Variants in XXYLT1 observed in about 807,000 individuals in gnomAD.
The protein encoded by XXYLT1 is UDP-xylose:alpha-xyloside alpha-1,3-xylosyltransferase.
In XXYLT1, 20 loss-of-function variants were observed where a neutral mutation model predicts 28.9. That is an observed-to-expected ratio of 0.69 (90% confidence interval 0.49 to 1.00). The LOEUF is 1.00. Among genes scored for constraint, XXYLT1 ranks in the 50% least tolerant of loss-of-function variants. The pLI, the probability that XXYLT1 is intolerant of heterozygous loss-of-function variation, is 0.00. For missense variants in XXYLT1, 542 were observed against 560.1 expected, an observed-to-expected ratio of 0.97 and a Z score of 0.33; for synonymous variants, 257 against 253.8, an observed-to-expected ratio of 1.01 and a Z score of -0.12.
chr3:195,122,725 C>T (rs766363543), intron 3 of XXYLT1, among the ~76,000 whole-genome samples: 1 of 152,198 alleles, frequency 6.6e-6, no homozygotes, highest in Non-Finnish European at 1.5e-5. Context: ...ACATTATTGA[C>T]GGCACGTAAC....
chr3:195,268,419 A>C (rs1192644046), intron 1 of XXYLT1, among the ~76,000 whole-genome samples: 2 of 149,124 alleles, frequency 1.3e-5, no homozygotes, highest in Non-Finnish European at 3.0e-5. Context: ...CGACAAGAGC[A>C]AAACTCTGTC....
intron 1 of XXYLT1, among the ~76,000 whole-genome samples, chr3:195,259,036 G>C (rs922219345): frequency 2.0e-5 from 3 of 152,182 alleles, no homozygotes; most frequent in African/African-American, 4.8e-5. Context: ...ACCATTATTA[G>C]CAGCCACCGT....
chr3:195,107,212 G>A, intron 3 of XXYLT1, among the ~76,000 whole-genome samples: 1 of 151,926 alleles, frequency 6.6e-6, no homozygotes, highest in East Asian at 2.0e-4. Context: ...GGTGGCTCAC[G>A]CCTGGAATCC....
At chr3:195,228,359 C>T (rs1403803906) in intron 1 of XXYLT1, among the ~76,000 whole-genome samples, 2 of 152,140 alleles carry the variant, frequency 1.3e-5, no homozygotes, top group Non-Finnish European at 2.9e-5. Context: ...CCTTTCCCTC[C>T]ACCTGCCCTT....
chr3:195,145,579 T>C (rs61414001), intron 3 of XXYLT1, among the ~76,000 whole-genome samples: 62 of 100,724 alleles, frequency 6.2e-4, no homozygotes, highest in African/African-American at 1.2e-3. Flanking sequence ...GTGACCGGCA[T>C]TGATGGGGCC....
chr3:195,254,942 C>T (rs2108845769), intron 1 of XXYLT1, among the ~76,000 whole-genome samples: 1 of 152,306 alleles, frequency 6.6e-6, no homozygotes, highest in East Asian at 1.9e-4. Context: ...GAGCCAGGAT[C>T]TAAAGCGGCC....
chr3:195,116,448 T>C (rs1718047891), intron 3 of XXYLT1, among the ~76,000 whole-genome samples: 1 of 152,180 alleles, frequency 6.6e-6, no homozygotes, highest in Non-Finnish European at 1.5e-5. Context: ...CTTTGAGTAG[T>C]GAGACTTGAA....
Position 195,178,650 on chromosome 3 carries a change from C to T in XXYLT1, c.653-22069G>A, listed in dbSNP as rs1400315013. On this transcript the variant is annotated intron_variant, in intron 2 of 3. Coordinates refer to ENST00000310380, the MANE Select transcript of XXYLT1 (RefSeq NM_152531.5). ...CTGCACTCCGGTTTGTGTCTGCCCT[C>T]TCCCAGTGCCCAGCTCTGAAGCACG... 3.9e-5 allele frequency among the ~76,000 whole-genome samples: 6 copies of T among 152,350 alleles called. No individual in the cohort carries two copies. The East Asian group carries it at 1.2e-3, about 29-fold the overall frequency.
chr3:195,083,703 T>C (rs1310128663), intron 3 of XXYLT1, among the ~76,000 whole-genome samples: 1 of 152,196 alleles, frequency 6.6e-6, no homozygotes, highest in Admixed American at 6.5e-5. Flanking sequence ...TATTTCCATT[T>C]TACGGACGAG....
chr3:195,216,541 C>T (rs1369471871), intron 2 of XXYLT1, among the ~76,000 whole-genome samples: 14 of 142,534 alleles, frequency 9.8e-5, no homozygotes, highest in African/African-American at 2.1e-4. Context: ...CACCTCTACG[C>T]AAATAAACTA....
At chr3:195,251,655 G>A (rs548463714) in intron 1 of XXYLT1, among the ~76,000 whole-genome samples, 2 of 152,292 alleles carry the variant, frequency 1.3e-5, no homozygotes, top group South Asian at 2.1e-4. Context: ...AAGGAGCCAC[G>A]CAGGTCTGCT....
At chr3:195,096,876 A>G (rs1203609019) in intron 3 of XXYLT1, among the ~76,000 whole-genome samples, 1 of 152,230 alleles carries the variant, frequency 6.6e-6, no homozygotes, top group African/African-American at 2.4e-5. Flanking sequence ...AGTCTTCCAA[A>G]TTGAGATAGA....
At position 195,271,021 on chromosome 3, in the gene XXYLT1, G is replaced by T; in HGVS notation, c.38C>A (p.Ala13Asp). ...LLRGGLPCAR[A>D]MARLGAVRSH... ...GCGCACAGCGCCCAGGCGCGCCATG[G>T]CCCGAGCGCATGGGAGCCCGCCTCG... The change falls in exon 1 of 4, where the codon GCC becomes GAC. Residue 13 changes from alanine (A) to aspartate (D), a missense_variant. Coordinates refer to ENST00000310380, the MANE Select transcript of XXYLT1 (RefSeq NM_152531.5). The T allele has an allele frequency of 6.1e-6, 9 of 1,466,100 alleles. No homozygotes were observed. Among genetic ancestry groups the T allele is most frequent in the Non-Finnish European group, 8.1e-6 (9 of 1,113,864 alleles). 90.8% of individuals were successfully genotyped at this position (1,466,100 alleles called of 1,614,324 possible). A position where few individuals can be genotyped will look rare whatever the true frequency, so the allele number is the denominator to read the frequency against.
At chr3:195,075,951 G>A (rs1307703220) in intron 3 of XXYLT1, among the ~76,000 whole-genome samples, 1 of 152,028 alleles carries the variant, frequency 6.6e-6, no homozygotes, top group African/African-American at 2.4e-5. Context: ...GAGGACTGCT[G>A]GGGCACCGGG....
intron 2 of XXYLT1, chr3:195,183,676 C>T (rs1226553959): frequency 6.6e-6 from 1 of 152,168 alleles, no homozygotes; most frequent in Non-Finnish European, 1.5e-5. Context: ...CCAGGGGACT[C>T]AAGTCCCTCC....
At chr3:195,165,343 T>C (rs1215926006) in intron 2 of XXYLT1, among the ~76,000 whole-genome samples, 1 of 151,568 alleles carries the variant, frequency 6.6e-6, no homozygotes, top group African/African-American at 2.4e-5. Flanking sequence ...AGGCGCAAAC[T>C]CCTGAGATCC....
intron 3 of XXYLT1, among the ~76,000 whole-genome samples, chr3:195,109,664 T>C (rs534253284): frequency 1.5e-5 from 2 of 135,112 alleles, no homozygotes; most frequent in East Asian, 4.2e-4. Context: ...TGTGCGTGTG[T>C]GTGGTGTGTG....
At chr3:195,246,398 TAC>T (rs765890501) in intron 1 of XXYLT1, among the ~76,000 whole-genome samples, 12 of 152,318 alleles carry the variant, frequency 7.9e-5, no homozygotes, top group Middle Eastern at 6.8e-3. Context: ...GGCAAGCAGA[TAC>T]AGAGACGAAG....
chr3:195,223,260 G>A (rs912494118), intron 2 of XXYLT1, among the ~76,000 whole-genome samples: 5 of 152,066 alleles, frequency 3.3e-5, no homozygotes, highest in Non-Finnish European at 7.4e-5. Context: ...TTTAAAAATA[G>A]TTTAGGTACA....
Sources: gnomAD v4.1 joint callset for allele counts (sites outside exome capture counted in the v4.1 genomes callset) on GRCh38, gnomAD v4.1.1 for gene constraint, MANE v1.5 for transcripts, NCBI Gene and HGNC (gene_info 2026-07-23, HGNC 2026-07-21) for gene names.